Variants in LARGE1 observed in about 807,000 individuals in gnomAD.
The protein encoded by LARGE1 is xylosyl- and glucuronyltransferase LARGE1.
In LARGE1, 43 loss-of-function variants were observed where a neutral mutation model predicts 87.6. The ratio of observed to expected loss-of-function variants is 0.49; its 90% CI spans 0.38 to 0.63. The LOEUF (loss-of-function observed/expected upper bound fraction) is 0.63, where lower values mean the gene tolerates loss of function less well. LARGE1 is among the 30% of genes least tolerant of loss of function. The pLI is 0.00. For synonymous variants in LARGE1, 434 were observed against 394.6 expected (o/e 1.10, Z -1.18); for missense variants, 802 against 1,000.2 (o/e 0.80, Z 2.67).
At chr22:33,896,145 T>A (rs1417561959) in intron 1 of LARGE1, among the ~76,000 whole-genome samples, 1 of 152,208 alleles carries the variant, frequency 6.6e-6, no homozygotes, top group Non-Finnish European at 1.5e-5. Flanking sequence ...TCTCTACAAA[T>A]TTGACTACTG....
intron 2 of LARGE1, among the ~76,000 whole-genome samples, chr22:33,681,707 T>C (rs1035023498): frequency 3.9e-5 from 6 of 152,262 alleles, no homozygotes; most frequent in Admixed American, 3.3e-4. Context: ...TCTTTATCAA[T>C]GCTACGTCTC....
At chr22:33,580,768 T>A (rs1178209693) in intron 5 of LARGE1, among the ~76,000 whole-genome samples, 1 of 152,216 alleles carries the variant, frequency 6.6e-6, no homozygotes, top group East Asian at 1.9e-4. Context: ...TGCCTCTGAA[T>A]AAGATGTTGA....
chr22:33,808,886 A>T (rs185310659), intron 1 of LARGE1, among the ~76,000 whole-genome samples: 14 of 152,276 alleles, frequency 9.2e-5, no homozygotes, highest in African/African-American at 3.4e-4. Flanking sequence ...GTGGGTCTCA[A>T]ATCCCAGACC....
chr22:33,698,538 A>G (rs1018218138), intron 2 of LARGE1, among the ~76,000 whole-genome samples: 3 of 152,174 alleles, frequency 2.0e-5, no homozygotes, highest in African/African-American at 7.2e-5. Context: ...TTGAGCTCCT[A>G]GCCTCAAGCG....
intron 1 of LARGE1, among the ~76,000 whole-genome samples, chr22:33,793,000 C>G (rs912415408): frequency 2.0e-5 from 3 of 152,208 alleles, no homozygotes; most frequent in African/African-American, 7.2e-5. Flanking sequence ...TCCACCCAAA[C>G]AGCGAAAGCT....
chr22:33,843,869 G>A (rs1398345330), intron 1 of LARGE1, among the ~76,000 whole-genome samples: 1 of 152,042 alleles, frequency 6.6e-6, no homozygotes, highest in Admixed American at 6.6e-5. Context: ...CCTGAAGTCA[G>A]CAGTTCGAGA....
intron 2 of LARGE1, among the ~76,000 whole-genome samples, chr22:33,680,477 G>A (rs1383316281): frequency 6.7e-6 from 1 of 149,898 alleles, no homozygotes; most frequent in East Asian, 2.5e-4. Context: ...GGGGGCAGAA[G>A]AGACCTTTGA....
intron 2 of LARGE1, among the ~76,000 whole-genome samples, chr22:33,695,108 C>CTT (rs71320988): frequency 0.19 from 26,400 of 139,970 alleles, 2,889 homozygotes; most frequent in Admixed American, 0.28. Context: ...TTCTTTCTTT[C>CTT]TTTTTTTTTT....
chr22:33,553,838 G>A (rs1170552452), intron 6 of LARGE1, among the ~76,000 whole-genome samples: 1 of 152,150 alleles, frequency 6.6e-6, no homozygotes. Context: ...CTCCAGAGAT[G>A]TCTTTCCTCC....
chr22:33,366,970 G>A (rs1227098814), intron 9 of LARGE1, among the ~76,000 whole-genome samples: 1 of 151,950 alleles, frequency 6.6e-6, no homozygotes, highest in East Asian at 1.9e-4. Context: ...GCCGTCTAGG[G>A]GTACTGTTTT....
At chr22:33,722,573 G>A (rs1041243052) in intron 2 of LARGE1, among the ~76,000 whole-genome samples, 17 of 152,086 alleles carry the variant, frequency 1.1e-4, no homozygotes, top group African/African-American at 4.1e-4. Context: ...CACATTATGG[G>A]GGAAATACAT....
At chr22:33,264,694 C>T (rs1379757585) in intron 11 of LARGE1, among the ~76,000 whole-genome samples, 2 of 151,848 alleles carry the variant, frequency 1.3e-5, no homozygotes, top group Admixed American at 6.6e-5. Flanking sequence ...CTTAGTTTTG[C>T]CTTTTTGCCT....
Position 33,403,737 on chromosome 22 carries a change from G to T in LARGE1, c.893-19433C>A, listed in dbSNP as rs562190030. Among the ~76,000 whole-genome samples the T allele has an allele frequency of 1.3e-4, 20 of 152,064 alleles. No homozygotes were observed. In the East Asian group the frequency reaches 3.9e-3, roughly 29 times the overall value. ...TCCTGCCTCAGCCTCCCGAGTAGCTGGGATTACAAGTGCCTGCCACCACGC... is the reference window on the plus strand; with the variant it reads ...TCCTGCCTCAGCCTCCCGAGTAGCTTGGATTACAAGTGCCTGCCACCACGC... On this transcript the variant is annotated intron_variant, in intron 7 of 14. Transcript: ENST00000397394.
At chr22:33,251,999 C>T (rs1927029279) in intron 11 of LARGE1, among the ~76,000 whole-genome samples, 1 of 152,180 alleles carries the variant, frequency 6.6e-6, no homozygotes, top group Admixed American at 6.5e-5. Context: ...CAGTGTTCTA[C>T]TTAGCTGGCA....
At chr22:33,913,113 T>C (rs1055691976) in intron 1 of LARGE1, among the ~76,000 whole-genome samples, 1 of 152,222 alleles carries the variant, frequency 6.6e-6, no homozygotes, top group Non-Finnish European at 1.5e-5. Context: ...ATTACAGGCG[T>C]GAGCCACCAA....
chr22:33,451,856 C>A (rs933308099), intron 6 of LARGE1, among the ~76,000 whole-genome samples: 1 of 151,806 alleles, frequency 6.6e-6, no homozygotes, highest in African/African-American at 2.4e-5. Flanking sequence ...CGCCCCCGGC[C>A]GGGAGTCTCT....
At chr22:33,853,968 C>A (rs1418160758) in intron 1 of LARGE1, among the ~76,000 whole-genome samples, 3 of 152,136 alleles carry the variant, frequency 2.0e-5, no homozygotes, top group Non-Finnish European at 2.9e-5. Context: ...CAGGTCCCAA[C>A]TGAGTCCCTA....
intron 7 of LARGE1, among the ~76,000 whole-genome samples, chr22:33,397,591 C>A (rs989905158): frequency 6.6e-6 from 1 of 152,194 alleles, no homozygotes; most frequent in African/African-American, 2.4e-5. Context: ...ACATGAATAT[C>A]TTACTCTACC....
intron 9 of LARGE1, among the ~76,000 whole-genome samples, chr22:33,379,465 A>C (rs2065090710): frequency 6.6e-6 from 1 of 151,870 alleles, no homozygotes; most frequent in Non-Finnish European, 1.5e-5. Flanking sequence ...CCCTGTGTCC[A>C]AGTGTTCTCA....
Sources: gnomAD v4.1 joint callset for allele counts (sites outside exome capture counted in the v4.1 genomes callset) on GRCh38, gnomAD v4.1.1 for gene constraint, MANE v1.5 for transcripts, NCBI Gene and HGNC (gene_info 2026-07-23, HGNC 2026-07-21) for gene names.